Variants in ANK1 observed in about 807,000 individuals in gnomAD.
ANK1 encodes the protein ankyrin-1.
ANK1 carries 51 observed loss-of-function variants against 210.4 expected under a neutral mutation model. The ratio of observed to expected loss-of-function variants is 0.24; its 90% confidence interval spans 0.19 to 0.31. The LOEUF (loss-of-function observed/expected upper bound fraction) is 0.31. ANK1 is among the 10% of genes least tolerant of loss of function. The pLI, the probability that ANK1 is intolerant of heterozygous loss-of-function variation, is 1.00. For synonymous variants in ANK1, 967 were observed against 1,025.9 expected (o/e 0.94, Z 1.10); for missense variants, 2,051 against 2,504.4 (o/e 0.82, Z 3.86).
chr8:41,724,533 T>A lies in ANK1; in HGVS notation c.634A>T (p.Ile212Phe). The A allele has an allele frequency of 6.3e-7, 1 of 1,598,706 alleles. No homozygotes were observed. ...TTGAGGTTCTCGTAGTGAGCCGCAATGTGCAGGGGCGTGAATCCCGTCTGG... is the reference window on the plus strand; with the variant it reads ...TTGAGGTTCTCGTAGTGAGCCGCAAAGTGCAGGGGCGTGAATCCCGTCTGG... ...LSKTGFTPLH[I>F]AAHYENLNVA... is the part of the protein sequence containing the mutation. The change falls in exon 7 of 43, where the codon ATT becomes TTT. Residue 212 changes from isoleucine to phenylalanine, a missense_variant. Ile to Phe is a conservative substitution (Grantham distance 21). Around this residue, in one of 6 missense-constraint regions of ANK1, gnomAD observed 1,413 missense variants for 1,707.4 expected, o/e 0.83. Transcript: ENST00000289734.
intron 2 of ANK1, among the ~76,000 whole-genome samples, chr8:41,749,003 C>T (rs1324787778): frequency 6.6e-6 from 1 of 151,430 alleles, no homozygotes; most frequent in Non-Finnish European, 1.5e-5. Context: ...CCACTGCCCT[C>T]CAACCTGGGC....
In ANK1 at chr8:41,723,206, G is replaced by A. The variant is rs1283620291; in HGVS notation, c.828C>T (p.Leu276=). The part of the protein sequence containing the change: ...ETKTKDELTP[L]HCAARNGHVR... ...CGTGCCCATTTCGAGCTGCACAGTG[G>A]AGAGGTGTCAATTCGTCCTTTAAAA... Residue 276 remains leucine, a synonymous_variant, in exon 9 of 43, where the codon CTC becomes CTT. Transcript: ENST00000289734. 3 of 1,614,180 alleles carry A rather than the reference G, an allele frequency of 1.9e-6. No individual in the cohort carries two copies. The highest frequency in any genetic ancestry group is 1.1e-5 in the South Asian group (1 of 91,078).
chr8:41,705,426 AC>A (rs1563500176), intron 18 of ANK1, among the ~76,000 whole-genome samples: 3 of 152,216 alleles, frequency 2.0e-5, no homozygotes, highest in African/African-American at 7.2e-5. Context: ...GCAGTTGGAG[AC>A]AAAACACAAT....
chr8:41,672,098 A>G (rs1812591356), intron 38 of ANK1, among the ~76,000 whole-genome samples: 4 of 152,120 alleles, frequency 2.6e-5, no homozygotes, highest in South Asian at 2.1e-4. Context: ...ATATGTCCCT[A>G]TGTGTGCTCT....
chr8:41,853,984 A>G (rs747234021), intron 1 of ANK1, among the ~76,000 whole-genome samples: 1 of 152,224 alleles, frequency 6.6e-6, no homozygotes, highest in Non-Finnish European at 1.5e-5. Context: ...TGGGCTTAAT[A>G]TACAACATGA....
intron 1 of ANK1, among the ~76,000 whole-genome samples, chr8:41,774,030 G>A (rs1843501709): frequency 9.5e-6 from 1 of 104,832 alleles, no homozygotes; most frequent in Non-Finnish European, 2.5e-5. Flanking sequence ...TTTTGGATAA[G>A]AAATAGAACC....
At chr8:41,695,452 C>CA in intron 26 of ANK1, 121 bp from the exon 27 acceptor site, 1 of 1,384,540 alleles carries the variant, frequency 7.2e-7, no homozygotes, top group Non-Finnish European at 1.0e-6. Flanking sequence ...CACGTGGAGG[C>CA]CCCACCTGCA....
intron 33 of ANK1, 74 bp from the exon 34 acceptor site, chr8:41,688,663 T>C (rs920315328): frequency 2.2e-6 from 3 of 1,382,120 alleles, no homozygotes; most frequent in East Asian, 2.3e-5. Context: ...TGAGCTCCTA[T>C]GCTGCAGGGG....
intron 1 of ANK1, among the ~76,000 whole-genome samples, chr8:41,768,645 C>G (rs2150730385): frequency 6.6e-6 from 1 of 152,258 alleles, no homozygotes; most frequent in South Asian, 2.1e-4. Context: ...AGCAAGATTC[C>G]TAACAATAGT....
intron 1 of ANK1, among the ~76,000 whole-genome samples, chr8:41,831,842 T>C (rs1414174408): frequency 6.6e-6 from 1 of 152,066 alleles, no homozygotes; most frequent in African/African-American, 2.4e-5. Flanking sequence ...CCTCGTACAG[T>C]GGAGTGCTAC....
intron 1 of ANK1, among the ~76,000 whole-genome samples, chr8:41,855,982 C>T (rs979855647): frequency 1.3e-5 from 2 of 152,074 alleles, no homozygotes; most frequent in African/African-American, 4.8e-5. Context: ...TTGTCCACCC[C>T]GATCCCCTCA....
At chr8:41,665,147 T>G in intron 39 of ANK1, 1 of 1,537,596 alleles carries the variant, frequency 6.5e-7, no homozygotes, top group Non-Finnish European at 8.7e-7. Context: ...CCCCTCCCTA[T>G]CTCTCTGGTT....
intron 16 of ANK1, among the ~76,000 whole-genome samples, chr8:41,713,716 G>A (rs1030575996): frequency 2.0e-5 from 3 of 152,192 alleles, no homozygotes; most frequent in African/African-American, 4.8e-5. Flanking sequence ...CCCCAGCCTT[G>A]GAACCATGCA....
At chr8:41,831,240 G>C (rs1806545745) in intron 1 of ANK1, among the ~76,000 whole-genome samples, 1 of 152,194 alleles carries the variant, frequency 6.6e-6, no homozygotes, top group Non-Finnish European at 1.5e-5. Context: ...CATCTGAAAA[G>C]TGTGGGCAGC....
At chr8:41,725,714 C>T (rs1436327825) in intron 6 of ANK1, 47 bp downstream of exon 6, 7 of 1,582,412 alleles carry the variant, frequency 4.4e-6, no homozygotes, top group Non-Finnish European at 6.0e-6. Flanking sequence ...CCCCCTGAGC[C>T]CACGGGCGTC....
At chr8:41,873,030 G>C (rs1339488519) in intron 1 of ANK1, among the ~76,000 whole-genome samples, 2 of 152,222 alleles carry the variant, frequency 1.3e-5, no homozygotes, top group African/African-American at 4.8e-5. Context: ...CGCTGCAGAG[G>C]GGAAGGCTGA....
At chr8:41,698,491 G>A (rs1324563329) in intron 23 of ANK1, among the ~76,000 whole-genome samples, 1 of 152,178 alleles carries the variant, frequency 6.6e-6, no homozygotes, top group Non-Finnish European at 1.5e-5. Context: ...AAATTCAAAT[G>A]GAGTAAATGG....
rs148471199 is a variant in ANK1 at position 41,718,118 on chromosome 8, G to A, written c.1194C>T (p.Asp398=). 250 of 1,613,906 alleles carry A rather than the reference G, an allele frequency of 1.5e-4. 1 individual carries two copies. Among genetic ancestry groups the A allele is most frequent in the Admixed American group, 3.0e-4 (18 of 60,018 alleles). The change falls in exon 11 of 43, where the codon GAC becomes GAT. Residue 398 remains aspartate, a synonymous_variant. Coordinates refer to ENST00000289734, the MANE Select transcript of ANK1 (RefSeq NM_000037.4). Reference sequence around the variant, plus strand: ...CAGTCTCTCCTACCTCGGTGACCGCGTCGATCGAGGCTCCCGTCTTCAGCA... The same window carrying A: ...CAGTCTCTCCTACCTCGGTGACCGCATCGATCGAGGCTCCCGTCTTCAGCA... ...ELLLKTGASI[D]AVTESGLTPL...
At chr8:41,671,466 G>A (rs562483364) in intron 38 of ANK1, among the ~76,000 whole-genome samples, 1 of 152,252 alleles carries the variant, frequency 6.6e-6, no homozygotes, top group South Asian at 2.1e-4. Flanking sequence ...GTCTTCCCCA[G>A]CCTCATGATT....
Sources: gnomAD v4.1 joint callset for allele counts (sites outside exome capture counted in the v4.1 genomes callset) on GRCh38, gnomAD v4.1.1 for gene constraint, gnomAD v4.1.1 regional missense constraint, MANE v1.5 for transcripts, NCBI Gene and HGNC (gene_info 2026-07-23, HGNC 2026-07-21) for gene names.